ROBO1: variants seen among roughly 807,000 people sequenced by gnomAD.
The protein encoded by ROBO1 is roundabout homolog 1.
In ROBO1, 149 loss-of-function variants were observed where a neutral mutation model predicts 195.9. That is an observed-to-expected ratio of 0.76 (90% CI 0.67 to 0.87). The LOEUF (loss-of-function observed/expected upper bound fraction) is 0.87, where lower values mean the gene tolerates loss of function less well. Among genes scored for constraint, ROBO1 ranks in the 40% least tolerant of loss-of-function variants. The pLI is 0.00. For missense variants in ROBO1, 1,933 were observed against 2,068.3 expected, an observed-to-expected ratio of 0.93 and a Z score of 1.27; for synonymous variants, 816 against 733.2, an observed-to-expected ratio of 1.11 and a Z score of -1.82.
rs141119870 is a variant in ROBO1 at position 79,474,548 on chromosome 3, T to G, written c.88+115276A>C. ...GAGTACATGGTAAGTGCTCATTGAA[T>G]GTTAGGCAGCATTAGCTATTAAAAC... On this transcript the variant is annotated intron_variant, in intron 2 of 30. Transcript: ENST00000464233. 3.8e-3 allele frequency among the ~76,000 whole-genome samples: 572 copies of G among 152,218 alleles called. 2 individuals are homozygous for G. Among genetic ancestry groups the G allele is most frequent in the African/African-American group, 0.013 (547 of 41,568 alleles).
chr3:78,982,093 C>T (rs2077008263), intron 3 of ROBO1, among the ~76,000 whole-genome samples: 1 of 152,098 alleles, frequency 6.6e-6, no homozygotes, highest in Admixed American at 6.6e-5. Context: ...AAAGTTCTAC[C>T]TCTTGCCTTT....
chr3:79,018,502 G>C (rs1452092078), intron 3 of ROBO1: 2 of 1,612,560 alleles, frequency 1.2e-6, no homozygotes, highest in East Asian at 4.5e-5. Context: ...ATGCCAAGAG[G>C]AGGGAGTGGA....
chr3:79,713,068 C>A (rs923406663), intron 1 of ROBO1, among the ~76,000 whole-genome samples: 2 of 151,248 alleles, frequency 1.3e-5, no homozygotes, highest in Non-Finnish European at 2.9e-5. Flanking sequence ...TAATGCTATC[C>A]CTCCCCCACC....
intron 3 of ROBO1, among the ~76,000 whole-genome samples, chr3:78,997,583 T>C (rs1185469253): frequency 6.6e-6 from 1 of 152,148 alleles, no homozygotes; most frequent in Non-Finnish European, 1.5e-5. Flanking sequence ...AAATCCACTA[T>C]ACCCTCAAAT....
chr3:78,855,081 C>T (rs188461584), intron 4 of ROBO1, among the ~76,000 whole-genome samples: 1 of 151,826 alleles, frequency 6.6e-6, no homozygotes, highest in East Asian at 1.9e-4. Context: ...TATATAAGCA[C>T]ATGATTTATC....
rs200463981 is a variant in ROBO1 at position 78,711,315 on chromosome 3, C to CTT, written c.1045+3081_1045+3082insAA. Among the ~76,000 whole-genome samples the CTT allele has an allele frequency of 1.7e-3, 241 of 143,402 alleles. 4 individuals carry two copies. Among genetic ancestry groups the CTT allele is most frequent in the East Asian group, 9.2e-3 (44 of 4,758 alleles). The allele number at this position is 143,402 out of a possible 152,430, so 94.1% of individuals were successfully genotyped here. A position where few individuals can be genotyped will look rare whatever the true frequency, so the allele number is the denominator to read the frequency against. On this transcript the variant is annotated intron_variant, in intron 8 of 30. Transcript: ENST00000464233. ...TTTCTTTCTCTTTCTTTCTTTCTTT[C>CTT]TCTCTCTCTCTCCTTCCTTCCTTCC...
intron 4 of ROBO1, among the ~76,000 whole-genome samples, chr3:78,918,928 G>A (rs2038785336): frequency 6.6e-6 from 1 of 152,112 alleles, no homozygotes; most frequent in African/African-American, 2.4e-5. Context: ...ACATGTTTCT[G>A]CAACCAAGTT....
chr3:78,606,871 C>A lies in ROBO1; in HGVS notation c.4606G>T (p.Asp1536Tyr). The A allele has an allele frequency of 6.2e-7, 1 of 1,613,898 alleles. No homozygotes were observed. Residue 1536 changes from aspartate (D) to tyrosine (Y), a missense_variant, in exon 29 of 31, where the codon GAT becomes TAT. By Grantham distance (160) the Asp-to-Tyr change is radical. Coordinates refer to ENST00000464233, the MANE Select transcript of ROBO1 (RefSeq NM_002941.4). ...CGCATGTCAACAACCTGTCTTCCATCCAACACTTCTCTCCCCTTGTAACTG... is the reference window on the plus strand; with the variant it reads ...CGCATGTCAACAACCTGTCTTCCATACAACACTTCTCTCCCCTTGTAACTG... Reference protein sequence around the residue: ...GSSYKGREVLDGRQVVDMRTN... With the variant: ...GSSYKGREVLYGRQVVDMRTN...
At chr3:79,442,231 A>T (rs190912745) in intron 2 of ROBO1, among the ~76,000 whole-genome samples, 1 of 152,072 alleles carries the variant, frequency 6.6e-6, no homozygotes, top group Non-Finnish European at 1.5e-5. Context: ...TTTCCCCTGA[A>T]TTGTGTTTTG....
chr3:78,861,894 G>A (rs1028659369), intron 4 of ROBO1, among the ~76,000 whole-genome samples: 2 of 152,204 alleles, frequency 1.3e-5, no homozygotes, highest in African/African-American at 4.8e-5. Context: ...AGGGAACAGG[G>A]AAAGGCTGCC....
At chr3:79,357,814 A>C (rs771720763) in intron 2 of ROBO1, among the ~76,000 whole-genome samples, 10 of 152,182 alleles carry the variant, frequency 6.6e-5, no homozygotes, top group Non-Finnish European at 1.5e-4. Flanking sequence ...TTGTGGAGCC[A>C]GAGGTATTTC....
intron 2 of ROBO1, among the ~76,000 whole-genome samples, chr3:79,422,984 T>C (rs1171482497): frequency 9.1e-6 from 1 of 110,420 alleles, no homozygotes; most frequent in African/African-American, 3.6e-5. Flanking sequence ...TTTCCACTAC[T>C]GTATAGAAAA....
chr3:79,735,870 C>CAAAAAAAAAAA (rs1220855864), intron 1 of ROBO1, among the ~76,000 whole-genome samples: 4 of 70,716 alleles, frequency 5.7e-5, no homozygotes, highest in African/African-American at 1.1e-4. Flanking sequence ...GACTCCGTCT[C>CAAAAAAAAAAA]AAAAAAAAAA....
chr3:79,077,692 T>C (rs535933503), intron 3 of ROBO1, among the ~76,000 whole-genome samples: 1 of 152,008 alleles, frequency 6.6e-6, no homozygotes, highest in East Asian at 1.9e-4. Flanking sequence ...AAAAATATAA[T>C]AAGTCATGTT....
intron 2 of ROBO1, among the ~76,000 whole-genome samples, chr3:79,287,217 C>T (rs1408494233): frequency 6.6e-6 from 1 of 152,058 alleles, no homozygotes; most frequent in Non-Finnish European, 1.5e-5. Context: ...AATATTTTGG[C>T]TTCATGTAGT....
chr3:78,657,369 C>A, intron 17 of ROBO1, 100 bp from the exon 18 acceptor site: 1 of 1,166,846 alleles, frequency 8.6e-7, no homozygotes, highest in South Asian at 1.6e-5. Context: ...GAGTACTAAA[C>A]TGTCATGCAC....
chr3:79,379,545 G>T (rs952081027), intron 2 of ROBO1, among the ~76,000 whole-genome samples: 3 of 152,124 alleles, frequency 2.0e-5, no homozygotes, highest in Admixed American at 2.0e-4. Context: ...ATTGGATCAC[G>T]TTAATATACC....
intron 4 of ROBO1, among the ~76,000 whole-genome samples, chr3:78,788,584 A>G (rs1208837506): frequency 6.6e-6 from 1 of 151,890 alleles, no homozygotes; most frequent in Non-Finnish European, 1.5e-5. Flanking sequence ...GCTTTTATAT[A>G]TTAACTTCCT....
intron 7 of ROBO1, chr3:78,715,177 T>A (rs1459718162): frequency 1.3e-5 from 2 of 152,228 alleles, no homozygotes; most frequent in Non-Finnish European, 2.9e-5. Flanking sequence ...TTCCTATCCC[T>A]AATTCATCTA....
Sources: allele counts gnomAD v4.1 joint callset (sites outside exome capture counted in the v4.1 genomes callset), GRCh38; gene constraint gnomAD v4.1.1; transcripts MANE v1.5; gene names NCBI Gene and HGNC (gene_info 2026-07-23, HGNC 2026-07-21).